The following CCDC68 variants were observed in gnomAD, a reference collection of about 807,000 sequenced individuals.
The protein encoded by CCDC68 is coiled-coil domain containing 68.
In CCDC68, 45 loss-of-function variants were observed where a neutral mutation model predicts 47.1. The observed-to-expected ratio is 0.96, with a 90% CI of 0.75 to 1.23. The LOEUF (loss-of-function observed/expected upper bound fraction) is 1.23, where lower values mean the gene tolerates loss of function less well. Among genes scored for constraint, CCDC68 ranks in the 50% most tolerant of loss-of-function variants. CCDC68 has a pLI of 0.00. For synonymous variants in CCDC68, 131 were observed against 129.5 expected, an observed-to-expected ratio of 1.01 and a Z score of -0.08; for missense variants, 353 against 373.6, an observed-to-expected ratio of 0.94 and a Z score of 0.45.
chr18:54,928,239 T>C (rs1438014350), intron 8 of CCDC68, among the ~76,000 whole-genome samples: 1 of 152,178 alleles, frequency 6.6e-6, no homozygotes, highest in Non-Finnish European at 1.5e-5. Flanking sequence ...TATGGTGATA[T>C]CCACAAACCC....
rs1185288410 is a variant in CCDC68, at chr18:54,934,960, G to A, written c.472-12C>T. The A allele has an allele frequency of 3.8e-6, 6 of 1,565,328 alleles. No individual in the cohort carries two copies. Among genetic ancestry groups the A allele is most frequent in the Middle Eastern group, 3.6e-4 (2 of 5,604 alleles). ...TCAAGCTTGTTAACCTATGGTCAGA[G>A]AATCAGTTGTGTTGTGAAAACTCTG... On this transcript the variant is annotated splice_polypyrimidine_tract_variant and intron_variant, in intron 6 of 11. Transcript: ENST00000591504.
chr18:54,938,296 T>C (rs1167255364), intron 4 of CCDC68, among the ~76,000 whole-genome samples, 199 bp from the exon 5 acceptor site: 1 of 152,254 alleles, frequency 6.6e-6, no homozygotes, highest in Non-Finnish European at 1.5e-5. Flanking sequence ...AAACAGATTC[T>C]TATATTGAAA....
At chr18:54,953,545 T>TAG (rs1321775260) in intron 1 of CCDC68, among the ~76,000 whole-genome samples, 1 of 135,110 alleles carries the variant, frequency 7.4e-6, no homozygotes, top group African/African-American at 3.0e-5. Flanking sequence ...CACACATATA[T>TAG]ATATATAGAG....
chr18:54,933,418 C>G (rs2044296568), intron 7 of CCDC68, among the ~76,000 whole-genome samples: 1 of 152,198 alleles, frequency 6.6e-6, no homozygotes, highest in Admixed American at 6.5e-5. Context: ...ACGGTTGCCA[C>G]TAAACCTGAC....
rs758320736 is a variant in CCDC68 at position 54,938,081 on chromosome 18, T to C, written c.221A>G (p.Gln74Arg). 1.2e-6 allele frequency: 2 copies of C among 1,613,378 alleles called. No homozygotes were observed. Among genetic ancestry groups the C allele is most frequent in the African/African-American group, 2.7e-5 (2 of 74,898 alleles). ...ATCCATTTCAGAATCAGAGCCCTGT[T>C]GAAGGTTTCCACAGTGCTGAAACGG... ...KLDAKHCGNL[Q>R]QGSDSEMDPS... The change falls in exon 5 of 12, where the codon CAA becomes CGA. Residue 74 changes from glutamine (Q) to arginine (R), a missense_variant. Transcript: ENST00000591504.
At chr18:54,927,923 T>C (rs1284522516) in intron 8 of CCDC68, among the ~76,000 whole-genome samples, 1 of 152,086 alleles carries the variant, frequency 6.6e-6, no homozygotes, top group Non-Finnish European at 1.5e-5. Flanking sequence ...AGGGAGCCTG[T>C]AGGGGGGAAA....
intron 1 of CCDC68, among the ~76,000 whole-genome samples, chr18:54,953,820 CCTAGAA>C (rs1392183586): frequency 3.9e-5 from 6 of 152,050 alleles, no homozygotes; most frequent in African/African-American, 1.4e-4. Flanking sequence ...AATTTGTGAA[CCTAGAA>C]CTTCTTTTCT....
At chr18:54,945,939 A>C (rs186551911) in intron 1 of CCDC68, among the ~76,000 whole-genome samples, 1 of 152,356 alleles carries the variant, frequency 6.6e-6, no homozygotes, top group East Asian at 1.9e-4. Context: ...GGTAGGGGTC[A>C]GCAAACCCCA....
intron 11 of CCDC68, among the ~76,000 whole-genome samples, chr18:54,905,434 A>AAGGAAGGAAGGAAGGAAGGAAGGAAGT (rs1913946413): frequency 4.5e-5 from 1 of 22,442 alleles, no homozygotes. Context: ...AGGAAGGAAG[A>AAGGAAGGAAGGAAGGAAGGAAGGAAGT]TCTATATGTT....
Position 54,904,229 on chromosome 18 carries a change from G to T in CCDC68, c.*129C>A. ...TTCTGAAATGTCATCTTCTTGCAAA[G>T]CCATTGGTATGTAATAAGTTCCATT... On this transcript the variant is annotated 3_prime_UTR_variant, in exon 12 of 12. Transcript: ENST00000591504. 1 of 673,768 alleles carries T rather than the reference G, an allele frequency of 1.5e-6. No homozygotes were observed. The highest frequency in any genetic ancestry group is 1.9e-5 in the South Asian group (1 of 51,320). 41.7% of individuals were successfully genotyped at this position (673,768 alleles called of 1,614,324 possible).
intron 1 of CCDC68, among the ~76,000 whole-genome samples, chr18:54,952,692 CACCAACAGGTGAATACAA>C (rs2044638736): frequency 6.6e-6 from 1 of 152,172 alleles, no homozygotes; most frequent in African/African-American, 2.4e-5. Context: ...GTCAAATGTT[CACCAACAGGTGAATACAA>C]CTCCTCATTA....
At position 54,901,548 on chromosome 18, in the gene CCDC68, C is replaced by G. The variant is rs1364355403; in HGVS notation, c.*2810G>C. 1 of 152,086 alleles carries G rather than the reference C, an allele frequency of 6.6e-6. No individual in the cohort carries two copies. The highest frequency in any genetic ancestry group is 2.4e-5 in the African/African-American group (1 of 41,416). The allele number at this position is 152,086 out of a possible 1,614,324, so 9.4% of individuals were successfully genotyped here. A position where few individuals can be genotyped will look rare whatever the true frequency, so the allele number is the denominator to read the frequency against. On this transcript the variant is annotated 3_prime_UTR_variant, in exon 12 of 12. Coordinates refer to ENST00000591504, the MANE Select transcript of CCDC68 (RefSeq NM_025214.3). ...ATTTTAATATAAAAAGAAAACCAAACAATTCACACAATGTAGCATCAATTT... is the reference window on the plus strand; with the variant it reads ...ATTTTAATATAAAAAGAAAACCAAAGAATTCACACAATGTAGCATCAATTT...
At position 54,902,361 on chromosome 18, in the gene CCDC68, T is replaced by C. The variant is rs1220709959; in HGVS notation, c.*1997A>G. 1 of 152,200 alleles carries C rather than the reference T, an allele frequency of 6.6e-6. No individual in the cohort carries two copies. Among genetic ancestry groups the C allele is most frequent in the Non-Finnish European group, 1.5e-5 (1 of 68,036 alleles). 9.4% of individuals were successfully genotyped at this position (152,200 alleles called of 1,614,324 possible). The stretch of plus-strand genomic sequence containing the variant: ...GCCCATTCCAAAATCTGAAATTTAT[T>C]ACAATCCAGCATGATGAATGAGGTA... On this transcript the variant is annotated 3_prime_UTR_variant, in exon 12 of 12. Coordinates refer to ENST00000591504, the MANE Select transcript of CCDC68 (RefSeq NM_025214.3).
intron 11 of CCDC68, among the ~76,000 whole-genome samples, chr18:54,906,425 C>G (rs1380989259): frequency 3.3e-5 from 5 of 152,122 alleles, no homozygotes; most frequent in Admixed American, 1.3e-4. Flanking sequence ...AAAAAGCATT[C>G]TCTTCAACAT....
At chr18:54,939,421 A>C (rs976724384) in intron 4 of CCDC68, among the ~76,000 whole-genome samples, 1 of 152,106 alleles carries the variant, frequency 6.6e-6, no homozygotes, top group Non-Finnish European at 1.5e-5. Context: ...CAGATTCTGA[A>C]TCAGGAGGTC....
intron 7 of CCDC68, among the ~76,000 whole-genome samples, chr18:54,934,119 C>T (rs1362590718): frequency 6.6e-6 from 1 of 152,238 alleles, no homozygotes; most frequent in East Asian, 1.9e-4. Flanking sequence ...TTCAGAGATG[C>T]CAGTTTTCTC....
intron 4 of CCDC68, among the ~76,000 whole-genome samples, chr18:54,940,579 G>A (rs2044419189): frequency 6.6e-6 from 1 of 152,156 alleles, no homozygotes; most frequent in African/African-American, 2.4e-5. Flanking sequence ...GGTATATACA[G>A]CTGATGTTGG....
At chr18:54,936,653 G>A (rs2044353780) in intron 6 of CCDC68, among the ~76,000 whole-genome samples, 180 bp downstream of exon 6, 1 of 152,202 alleles carries the variant, frequency 6.6e-6, no homozygotes, top group African/African-American at 2.4e-5. Flanking sequence ...CATCTGGGGT[G>A]TCCGGCTAAG....
chr18:54,920,225 CTTTCTTT>C (rs1374259381), intron 8 of CCDC68, among the ~76,000 whole-genome samples: 2 of 115,610 alleles, frequency 1.7e-5, no homozygotes, highest in African/African-American at 6.7e-5. Flanking sequence ...AATTCTGTTT[CTTTCTTT>C]TTTCTTTTTT....
Sources: gnomAD v4.1 joint callset for allele counts (sites outside exome capture counted in the v4.1 genomes callset) on GRCh38, gnomAD v4.1.1 for gene constraint, MANE v1.5 for transcripts, NCBI Gene and HGNC (gene_info 2026-07-23, HGNC 2026-07-21) for gene names.